The following HOMER1 variants were observed in gnomAD, a reference collection of about 807,000 sequenced individuals.
HOMER1 encodes homer protein homolog 1.
HOMER1 carries 3 observed loss-of-function variants against 48.9 expected under a neutral mutation model. That is an observed-to-expected ratio of 0.06 (90% CI 0.03 to 0.16). The LOEUF (loss-of-function observed/expected upper bound fraction) is 0.16. Ranked by LOEUF, HOMER1 falls within the 10% of genes least tolerant of loss-of-function variation. The probability of loss-of-function intolerance (pLI) is 1.00; values close to 1 mark genes in which losing one functional copy is unlikely to be tolerated. For synonymous variants in HOMER1, 134 were observed against 146.4 expected, an observed-to-expected ratio of 0.92 and a Z score of 0.61; for missense variants, 247 against 411.4, an observed-to-expected ratio of 0.60 and a Z score of 3.46.
At chr5:79,399,140 T>C (rs936553915) in intron 6 of HOMER1, among the ~76,000 whole-genome samples, 3 of 152,306 alleles carry the variant, frequency 2.0e-5, no homozygotes, top group Admixed American at 2.0e-4. Flanking sequence ...TAGGTAACAA[T>C]TGCAAATTGT....
intron 1 of HOMER1, among the ~76,000 whole-genome samples, chr5:79,462,131 G>A (rs1444730074): frequency 1.3e-5 from 2 of 151,996 alleles, no homozygotes; most frequent in Non-Finnish European, 1.5e-5. Context: ...CCCAGGAGAC[G>A]GAGGTTGCAG....
At chr5:79,472,296 GA>G (rs199716637) in intron 1 of HOMER1, among the ~76,000 whole-genome samples, 11 of 152,010 alleles carry the variant, frequency 7.2e-5, no homozygotes, top group African/African-American at 1.9e-4. Context: ...ATATTTATAA[GA>G]AAAAAAATTT....
chr5:79,438,609 T>TA (rs1422621824), intron 5 of HOMER1, among the ~76,000 whole-genome samples: 1 of 151,286 alleles, frequency 6.6e-6, no homozygotes, highest in African/African-American at 2.4e-5. Flanking sequence ...AAAGCCTACT[T>TA]AAAAAAAAAT....
At chr5:79,468,759 C>A (rs757754117) in intron 1 of HOMER1, among the ~76,000 whole-genome samples, 44 of 152,180 alleles carry the variant, frequency 2.9e-4, no homozygotes, top group Non-Finnish European at 1.6e-4. Context: ...TGGTACAGGT[C>A]ACAGCACCTG....
Position 79,482,904 on chromosome 5 carries a change from G to A in HOMER1, c.6-25886C>T, listed in dbSNP as rs1021895911. 3.9e-5 allele frequency among the ~76,000 whole-genome samples: 6 copies of A among 151,942 alleles called. No individual in the cohort carries two copies. In the East Asian group the frequency reaches 5.8e-4, roughly 15 times the overall value. The stretch of plus-strand genomic sequence containing the variant: ...TGTGGTCCCAGCTACTCAAGAGGCC[G>A]AGGTGGAAGAACTGCTTGAGCCCAG... On this transcript the variant is annotated intron_variant, in intron 1 of 8. Coordinates refer to ENST00000334082, the MANE Select transcript of HOMER1 (RefSeq NM_004272.5).
intron 5 of HOMER1, among the ~76,000 whole-genome samples, chr5:79,427,684 TC>T (rs1561359630): frequency 1.9e-5 from 2 of 103,380 alleles, no homozygotes; most frequent in East Asian, 4.2e-4. Context: ...CTTCCTTCCT[TC>T]CCTTCCTTCC....
intron 5 of HOMER1, among the ~76,000 whole-genome samples, chr5:79,421,157 T>G (rs1750087047): frequency 6.6e-6 from 1 of 152,230 alleles, no homozygotes. Context: ...TTTGAACTAT[T>G]AGGGCAATAT....
intron 1 of HOMER1, among the ~76,000 whole-genome samples, chr5:79,481,723 T>C (rs1751952076): frequency 6.6e-6 from 1 of 152,154 alleles, no homozygotes. Flanking sequence ...AAACAGTTCA[T>C]GTTCATTCAG....
chr5:79,476,061 A>G (rs1242062528), intron 1 of HOMER1, among the ~76,000 whole-genome samples: 1 of 152,200 alleles, frequency 6.6e-6, no homozygotes, highest in Non-Finnish European at 1.5e-5. Context: ...TTGAAATATT[A>G]TACCTGACAA....
chr5:79,490,769 C>CA (rs1164511654), intron 1 of HOMER1, among the ~76,000 whole-genome samples: 2,386 of 83,924 alleles, frequency 0.028, 67 homozygotes, highest in African/African-American at 0.1. Context: ...CCATCTCTAC[C>CA]AAAAAAAAAA....
In HOMER1 at chr5:79,495,483, T is replaced by A. The variant is rs112608837; in HGVS notation, c.5+17287A>T. On this transcript the variant is annotated intron_variant, in intron 1 of 8. Coordinates refer to ENST00000334082, the MANE Select transcript of HOMER1 (RefSeq NM_004272.5). ...TGCTACCAAACACAACATACATCTC[T>A]ATTACAGCACTTAAATCACAGTATT... Among the ~76,000 whole-genome samples, 150 of 152,346 alleles carry A rather than the reference T, an allele frequency of 9.8e-4. 1 individual carries two copies. Among genetic ancestry groups the A allele is most frequent in the African/African-American group, 3.4e-3 (143 of 41,574 alleles).
chr5:79,409,225 G>A (rs1469578082), intron 5 of HOMER1, among the ~76,000 whole-genome samples: 2 of 151,970 alleles, frequency 1.3e-5, no homozygotes. Flanking sequence ...TTGAGGCCAG[G>A]AGTTTGAGAC....
chr5:79,465,084 C>T lies in HOMER1; in HGVS notation c.6-8066G>A, dbSNP rs115416045. Among the ~76,000 whole-genome samples, 1,320 of 152,052 alleles carry T rather than the reference C, an allele frequency of 8.7e-3. 8 individuals are homozygous for T. Among genetic ancestry groups the T allele is most frequent in the Middle Eastern group, 0.051 (15 of 294 alleles). ...AGGCACAGTGGCTCACCTCTGTAGTCCTAGTGCTGTGGGAGGCCAAAGCGG... is the reference window on the plus strand; with the variant it reads ...AGGCACAGTGGCTCACCTCTGTAGTTCTAGTGCTGTGGGAGGCCAAAGCGG... On this transcript the variant is annotated intron_variant, in intron 1 of 8. Transcript: ENST00000334082.
At chr5:79,451,181 CA>C (rs2112293714) in intron 2 of HOMER1, 60 bp from the exon 3 acceptor site, 1 of 1,551,814 alleles carries the variant, frequency 6.4e-7, no homozygotes, top group Non-Finnish European at 8.9e-7. Flanking sequence ...CATTTAAATA[CA>C]AGACCATTCA....
At position 79,373,701 on chromosome 5, in the gene HOMER1, T is replaced by G. The variant is rs941433448; in HGVS notation, c.*2308A>C. The G allele has an allele frequency of 6.6e-6, 1 of 152,128 alleles. No individual in the cohort carries two copies. Among genetic ancestry groups the G allele is most frequent in the East Asian group, 1.9e-4 (1 of 5,186 alleles). 9.4% of individuals were successfully genotyped at this position (152,128 alleles called of 1,614,324 possible). A position where few individuals can be genotyped will look rare whatever the true frequency, so the allele number is the denominator to read the frequency against. ...TATCCCATATACTGTACATGTCTATTGACAATCTGGGAATTTAAAGGTGCA... is the reference window on the plus strand; with the variant it reads ...TATCCCATATACTGTACATGTCTATGGACAATCTGGGAATTTAAAGGTGCA... On this transcript the variant is annotated 3_prime_UTR_variant, in exon 9 of 9. Coordinates refer to ENST00000334082, the MANE Select transcript of HOMER1 (RefSeq NM_004272.5).
At chr5:79,462,917 C>G (rs1751356976) in intron 1 of HOMER1, among the ~76,000 whole-genome samples, 1 of 152,168 alleles carries the variant, frequency 6.6e-6, no homozygotes, top group African/African-American at 2.4e-5. Flanking sequence ...CCTTTAATGC[C>G]TAGCTTAGAA....
chr5:79,410,733 C>G (rs1749795074), intron 5 of HOMER1, among the ~76,000 whole-genome samples: 1 of 151,824 alleles, frequency 6.6e-6, no homozygotes. Flanking sequence ...ATATTCAAAT[C>G]TAAGATATCA....
In HOMER1 at chr5:79,421,870, A is replaced by C. The variant is rs1750110423; in HGVS notation, c.527+17140T>G. Among the ~76,000 whole-genome samples, 3 of 152,228 alleles carry C rather than the reference A, an allele frequency of 2.0e-5. No homozygotes were observed. In the South Asian group the frequency reaches 6.2e-4, roughly 32 times the overall value. ...TGATCAGCCTGGCTCAGGCTCCCAT[A>C]GCACTGAATTACAGGCATGAACCAT... On this transcript the variant is annotated intron_variant, in intron 5 of 8. Coordinates refer to ENST00000334082, the MANE Select transcript of HOMER1 (RefSeq NM_004272.5).
intron 5 of HOMER1, among the ~76,000 whole-genome samples, chr5:79,422,287 A>G (rs1490088244): frequency 1.3e-5 from 2 of 152,118 alleles, no homozygotes; most frequent in African/African-American, 2.4e-5. Flanking sequence ...ATACACAGTT[A>G]TTTTCTTAAA....
Sources: gnomAD v4.1 joint callset for allele counts (sites outside exome capture counted in the v4.1 genomes callset) on GRCh38, gnomAD v4.1.1 for gene constraint, MANE v1.5 for transcripts, NCBI Gene and HGNC (gene_info 2026-07-23, HGNC 2026-07-21) for gene names.